The following MAPK13 variants were observed in gnomAD, a reference collection of about 807,000 sequenced individuals.
MAPK13 encodes MAP kinase 13.
A neutral mutation model predicts 53.5 loss-of-function variants in MAPK13; 39 were observed. The observed-to-expected ratio is 0.73, with a 90% CI of 0.56 to 0.95. MAPK13 has a LOEUF of 0.95. Ranked by LOEUF, MAPK13 falls within the 40% of genes least tolerant of loss-of-function variation. MAPK13 has a pLI of 0.00. For synonymous variants in MAPK13, 179 were observed against 190.9 expected (o/e 0.94, Z 0.51); for missense variants, 460 against 471.8 (o/e 0.98, Z 0.23).
rs1766507066 is a variant in MAPK13, at chr6:36,140,164, A to C, written c.*791A>C. On this transcript the variant is annotated 3_prime_UTR_variant, in exon 12 of 12. Transcript: ENST00000211287. ...GGCCTTGTGCTCTGTGAAGGAACCC[A>C]ATGTGTTTGGCTGCTAAATTAAGGG... 6.6e-6 allele frequency: 1 copy of C among 152,154 alleles called. No individual in the cohort carries two copies. Among genetic ancestry groups the C allele is most frequent in the Non-Finnish European group, 1.5e-5 (1 of 68,032 alleles). 9.4% of individuals were successfully genotyped at this position (152,154 alleles called of 1,614,324 possible). A position where few individuals can be genotyped will look rare whatever the true frequency, so the allele number is the denominator to read the frequency against.
chr6:36,130,803 G>A lies in MAPK13; in HGVS notation c.119+102G>A. On this transcript the variant is annotated intron_variant, in intron 1 of 11. Coordinates refer to ENST00000211287, the MANE Select transcript of MAPK13 (RefSeq NM_002754.5). This position sits in a 1 kb window ranked among gnomAD's most constrained non-coding sequence, Gnocchi z 4.5. Reference sequence around the variant, plus strand: ...GCCCCTCGCCAGCGCCACCTTGACCGCGGACCTCAAGGCCCAGCGCCCTCC... The same window carrying A: ...GCCCCTCGCCAGCGCCACCTTGACCACGGACCTCAAGGCCCAGCGCCCTCC... 4.9e-6 allele frequency: 3 copies of A among 610,940 alleles called. No homozygotes were observed. The highest frequency in any genetic ancestry group is 8.1e-6 in the Non-Finnish European group (3 of 370,078). 37.8% of individuals were successfully genotyped at this position (610,940 alleles called of 1,614,324 possible).
chr6:36,134,512 C>T (rs1236255082), intron 3 of MAPK13, among the ~76,000 whole-genome samples: 3 of 152,164 alleles, frequency 2.0e-5, no homozygotes, highest in Non-Finnish European at 2.9e-5. Flanking sequence ...CCCGCCTCAG[C>T]CCCCCAAGTA....
chr6:36,135,095 G>A (rs1766390701), intron 3 of MAPK13, among the ~76,000 whole-genome samples: 1 of 152,232 alleles, frequency 6.6e-6, no homozygotes, highest in Non-Finnish European at 1.5e-5. Flanking sequence ...TCAAGCGATC[G>A]TCCAGCCTCC....
rs75683936 is a variant in MAPK13, at chr6:36,140,146, T to C, written c.*773T>C. On this transcript the variant is annotated 3_prime_UTR_variant, in exon 12 of 12. Coordinates refer to ENST00000211287, the MANE Select transcript of MAPK13 (RefSeq NM_002754.5). ...TCCTGGGCCCCGTGCTGAGGCCTTG[T>C]GCTCTGTGAAGGAACCCAATGTGTT... 6.6e-6 allele frequency: 1 copy of C among 152,202 alleles called. No homozygotes were observed. Among genetic ancestry groups the C allele is most frequent in the African/African-American group, 2.4e-5 (1 of 41,436 alleles). 9.4% of individuals were successfully genotyped at this position (152,202 alleles called of 1,614,324 possible).
At chr6:36,132,558 C>A in intron 2 of MAPK13, 63 bp from the exon 3 acceptor site, 1 of 1,499,968 alleles carries the variant, frequency 6.7e-7, no homozygotes, top group Non-Finnish European at 9.3e-7. Context: ...TGGCCAGGGC[C>A]CAGGAGGAGG....
In MAPK13 at chr6:36,141,201, TGAACCC is replaced by T. The variant is rs1349225288; in HGVS notation, c.*1829_*1834del. 1 of 151,966 alleles carries T rather than the reference TGAACCC, an allele frequency of 6.6e-6. No homozygotes were observed. Among genetic ancestry groups the T allele is most frequent in the Non-Finnish European group, 1.5e-5 (1 of 68,036 alleles). 9.4% of individuals were successfully genotyped at this position (151,966 alleles called of 1,614,324 possible). On this transcript the variant is annotated 3_prime_UTR_variant, in exon 12 of 12. Coordinates refer to ENST00000211287, the MANE Select transcript of MAPK13 (RefSeq NM_002754.5). ...ATCTGTAGGACTGGATAACACAGAG[TGAACCC>T]TCAAGTAAACTATGGACTTCAGTTA...
In MAPK13 at chr6:36,136,930, C is replaced by T. The variant is rs751686942; in HGVS notation, c.662C>T (p.Thr221Ile). The T allele has an allele frequency of 6.2e-7, 1 of 1,614,124 alleles. No homozygotes were observed. The highest frequency in any genetic ancestry group is 8.5e-7 in the Non-Finnish European group (1 of 1,179,990). ...CIMAEMLTGK[T>I]LFKGKDYLDQ... ...ATGGCAGAGATGCTGACAGGGAAAA[C>T]TCTGTTCAAGGGGAAAGATTGTATC... is the stretch of plus-strand genomic sequence containing the variant. Residue 221 changes from threonine (T) to isoleucine (I), a missense_variant, in exon 8 of 12, where the codon ACT becomes ATT. Transcript: ENST00000211287.
rs1236680459 is a variant in MAPK13 at position 36,139,360 on chromosome 6, G to A, written c.1085G>A (p.Gly362Asp). 5 of 1,613,962 alleles carry A rather than the reference G, an allele frequency of 3.1e-6. No individual in the cohort carries two copies. The highest frequency in any genetic ancestry group is 3.3e-5 in the Admixed American group (2 of 59,992). ...CGGAAGGACTCACGGCGCCGGAGTGGCATGAAGCTGTAGGGACTCATCTTG... is the reference window on the plus strand; with the variant it reads ...CGGAAGGACTCACGGCGCCGGAGTGACATGAAGCTGTAGGGACTCATCTTG... ...IARKDSRRRS[G>D]MKL Residue 362 changes from glycine to aspartate, a missense_variant, in exon 12 of 12, where the codon GGC becomes GAC. Physicochemically the swap from Gly to Asp is moderately conservative, Grantham distance 94. Coordinates refer to ENST00000211287, the MANE Select transcript of MAPK13 (RefSeq NM_002754.5).
intron 2 of MAPK13, 49 bp from the exon 3 acceptor site, chr6:36,132,572 G>A (rs111919642): frequency 1.2e-5 from 18 of 1,564,960 alleles, no homozygotes; most frequent in African/African-American, 1.1e-4. Context: ...GAGGAGGTGG[G>A]AGGAGAAGGT....
chr6:36,131,418 C>G lies in MAPK13; in HGVS notation c.249+18C>G. On this transcript the variant is annotated intron_variant, in intron 2 of 11. Coordinates refer to ENST00000211287, the MANE Select transcript of MAPK13 (RefSeq NM_002754.5). The stretch of plus-strand genomic sequence containing the variant: ...ATGAGAACGTAGGTGGTGGCTGCCC[C>G]GGGGAGGGGGTGGGGGCTGCCCTGG... The G allele has an allele frequency of 1.2e-6, 2 of 1,604,624 alleles. No homozygotes were observed. Among genetic ancestry groups the G allele is most frequent in the Admixed American group, 1.7e-5 (1 of 59,540 alleles).
chr6:36,141,992 C>A lies in MAPK13; in HGVS notation c.*2619C>A, dbSNP rs1319080227. 2.0e-5 allele frequency: 3 copies of A among 152,324 alleles called. No homozygotes were observed. The highest frequency in any genetic ancestry group is 2.0e-4 in the Admixed American group (3 of 15,280). 9.4% of individuals were successfully genotyped at this position (152,324 alleles called of 1,614,324 possible). ...TGCCCCAGGTTCCCTGAGTCTACAT[C>A]CCTCTAAGCCTCCTGAGAATTCTCA... On this transcript the variant is annotated 3_prime_UTR_variant, in exon 12 of 12. Transcript: ENST00000211287.
chr6:36,131,224 C>A, intron 1 of MAPK13, 47 bp from the exon 2 acceptor site: 5 of 1,584,042 alleles, frequency 3.2e-6, no homozygotes, highest in Non-Finnish European at 4.3e-6. Context: ...CTGGGAGATA[C>A]GGCCCAGGAG....
At chr6:36,138,594 G>T in intron 9 of MAPK13, 108 bp from the exon 10 acceptor site, 1 of 1,299,568 alleles carries the variant, frequency 7.7e-7, no homozygotes, top group Admixed American at 1.9e-5. Context: ...TAATCTCACC[G>T]TGGACCCTGA....
intron 8 of MAPK13, 25 bp from the exon 9 acceptor site, chr6:36,138,340 G>A (rs772684507): frequency 1.9e-6 from 3 of 1,605,348 alleles, no homozygotes; most frequent in African/African-American, 1.3e-5. Flanking sequence ...AGGAGAGCAA[G>A]GCTAAGCCTT....
Position 36,139,515 on chromosome 6 carries a change from T to A in MAPK13, c.*142T>A. The A allele has an allele frequency of 4.6e-6, 3 of 652,276 alleles. No individual in the cohort carries two copies. The highest frequency in any genetic ancestry group is 3.6e-5 in the South Asian group (2 of 55,868). The allele number at this position is 652,276 out of a possible 1,614,324, so 40.4% of individuals were successfully genotyped here. A position where few individuals can be genotyped will look rare whatever the true frequency, so the allele number is the denominator to read the frequency against. On this transcript the variant is annotated 3_prime_UTR_variant, in exon 12 of 12. Coordinates refer to ENST00000211287, the MANE Select transcript of MAPK13 (RefSeq NM_002754.5). The stretch of plus-strand genomic sequence containing the variant: ...CTCCTTATGTGGGAAATGGGCCTAG[T>A]AGATGCAGAATTCAAAGATGTCGGT...
intron 3 of MAPK13, 106 bp downstream of exon 3, chr6:36,132,785 A>C: frequency 8.4e-7 from 1 of 1,193,580 alleles, no homozygotes. Context: ...TGGCGGGGAG[A>C]GCCTCCTTCC....
At position 36,131,935 on chromosome 6, in the gene MAPK13, G is replaced by C. The variant is rs986700562; in HGVS notation, c.249+535G>C. Among the ~76,000 whole-genome samples, 33 of 152,202 alleles carry C rather than the reference G, an allele frequency of 2.2e-4. 1 individual carries two copies. The highest frequency in any genetic ancestry group is 1.2e-4 in the Non-Finnish European group (8 of 68,040). On this transcript the variant is annotated intron_variant, in intron 2 of 11. Coordinates refer to ENST00000211287, the MANE Select transcript of MAPK13 (RefSeq NM_002754.5). ...GAGCTGGGGTTTCAATCTCGGCAGC[G>C]AGGCTCCCGGTCTGAGCACATGACC...
Position 36,139,012 on chromosome 6 carries a change from T to C in MAPK13, c.975T>C (p.Asp325=). The C allele has an allele frequency of 6.2e-7, 1 of 1,612,562 alleles. No individual in the cohort carries two copies. The change falls in exon 11 of 12, where the codon GAT becomes GAC. Residue 325 remains aspartate (D), a synonymous_variant. Coordinates refer to ENST00000211287, the MANE Select transcript of MAPK13 (RefSeq NM_002754.5). ...EEETEAQQPF[D]DSLEHEKLTV... The stretch of plus-strand genomic sequence containing the variant: ...AGACGGAGGCCCAGCAGCCGTTTGA[T>C]GATTCCTTAGAACACGAGAAACTCA...
At chr6:36,136,122 G>A (rs976338424) in intron 5 of MAPK13, 74 bp downstream of exon 5, 1 of 1,579,362 alleles carries the variant, frequency 6.3e-7, no homozygotes, top group African/African-American at 1.3e-5. Flanking sequence ...TGGCAATCAA[G>A]GAGTGGGAAA....
Sources: gnomAD v4.1 joint callset for allele counts (sites outside exome capture counted in the v4.1 genomes callset) on GRCh38, gnomAD v4.1.1 for gene constraint, Gnocchi (gnomAD v3.1) non-coding constraint, MANE v1.5 for transcripts, NCBI Gene and HGNC (gene_info 2026-07-23, HGNC 2026-07-21) for gene names.